PPP2R2B: variants seen among roughly 807,000 people sequenced by gnomAD.
PPP2R2B encodes the protein serine/threonine-protein phosphatase 2A 55 kDa regulatory subunit B beta isoform.
A neutral mutation model predicts 46.0 loss-of-function variants in PPP2R2B; 5 were observed. The observed-to-expected ratio is 0.11, with a 90% CI of 0.06 to 0.23. The LOEUF (loss-of-function observed/expected upper bound fraction) is 0.23. Among genes scored for constraint, PPP2R2B ranks in the 10% least tolerant of loss-of-function variants. The pLI is 1.00. For synonymous variants in PPP2R2B, 215 were observed against 206.7 expected (o/e 1.04, Z -0.34); for missense variants, 367 against 575.0 (o/e 0.64, Z 3.70).
chr5:146,891,332 GCAAT>G (rs1762485455), intron 1 of PPP2R2B, among the ~76,000 whole-genome samples: 1 of 152,210 alleles, frequency 6.6e-6, no homozygotes, highest in Non-Finnish European at 1.5e-5. Context: ...AATGCCTAAA[GCAAT>G]GCATGGCACA....
chr5:146,657,576 C>T (rs1356369490), intron 5 of PPP2R2B, among the ~76,000 whole-genome samples: 2 of 152,066 alleles, frequency 1.3e-5, no homozygotes, highest in African/African-American at 4.8e-5. Flanking sequence ...CAGGAGTACC[C>T]ACAGGGTAGG....
intron 1 of PPP2R2B, among the ~76,000 whole-genome samples, chr5:147,006,226 C>T (rs1384994297): frequency 6.6e-6 from 1 of 152,148 alleles, no homozygotes; most frequent in Non-Finnish European, 1.5e-5. Context: ...GGAAAATTGC[C>T]TAATAATTGG....
At chr5:146,990,825 A>G (rs1323942832) in intron 1 of PPP2R2B, among the ~76,000 whole-genome samples, 1 of 152,122 alleles carries the variant, frequency 6.6e-6, no homozygotes, top group Non-Finnish European at 1.5e-5. Flanking sequence ...ATGGATTATT[A>G]TTCAGAATAT....
At chr5:146,749,049 A>G (rs1753372195) in intron 2 of PPP2R2B, among the ~76,000 whole-genome samples, 1 of 152,346 alleles carries the variant, frequency 6.6e-6, no homozygotes. Flanking sequence ...TATATGAATG[A>G]TGGACTTTCT....
intron 1 of PPP2R2B, among the ~76,000 whole-genome samples, chr5:146,896,975 A>T (rs1374617779): frequency 6.6e-6 from 1 of 152,198 alleles, no homozygotes; most frequent in Non-Finnish European, 1.5e-5. Context: ...TAGAACAAGC[A>T]GAAAAAGAAA....
intron 2 of PPP2R2B, among the ~76,000 whole-genome samples, chr5:146,846,915 G>A (rs961128642): frequency 6.6e-6 from 1 of 152,126 alleles, no homozygotes; most frequent in African/African-American, 2.4e-5. Context: ...CAAAGCCACT[G>A]CCTTAAATTC....
rs529441920 is a variant in PPP2R2B, at chr5:146,708,118, G to C, written c.71-6976C>G. 2.0e-5 allele frequency among the ~76,000 whole-genome samples: 3 copies of C among 152,248 alleles called. No individual in the cohort carries two copies. In the South Asian group the frequency reaches 6.2e-4, roughly 32 times the overall value. The stretch of plus-strand genomic sequence containing the variant: ...CGCCTATAATCTCAGCACTTTGGGA[G>C]GCTGAGGCAGGTGGATCCCTTGAGC... On this transcript the variant is annotated intron_variant, in intron 2 of 9. Transcript: ENST00000394411.
chr5:146,812,817 A>ATATATATATG (rs1757699419), intron 2 of PPP2R2B, among the ~76,000 whole-genome samples: 1 of 75,086 alleles, frequency 1.3e-5, no homozygotes, highest in Non-Finnish European at 2.8e-5. Flanking sequence ...ATATATATAT[A>ATATATATATG]TATATATATA....
At chr5:146,733,295 C>T (rs1276791713) in intron 2 of PPP2R2B, among the ~76,000 whole-genome samples, 1 of 152,186 alleles carries the variant, frequency 6.6e-6, no homozygotes, top group Non-Finnish European at 1.5e-5. Context: ...CAGTATGGGA[C>T]TGCTAAATGT....
At chr5:146,941,078 T>C (rs1486514358) in intron 1 of PPP2R2B, among the ~76,000 whole-genome samples, 1 of 152,132 alleles carries the variant, frequency 6.6e-6, no homozygotes, top group Non-Finnish European at 1.5e-5. Context: ...ACTTGTCTTC[T>C]TTGTTCTCAA....
chr5:147,006,239 T>A (rs146791074), intron 1 of PPP2R2B, among the ~76,000 whole-genome samples: 3,417 of 152,264 alleles, frequency 0.022, 151 homozygotes, highest in African/African-American at 0.077. Context: ...ATAATTGGTC[T>A]GCTCAAACGT....
At chr5:146,688,157 A>G (rs573361846) in intron 5 of PPP2R2B, among the ~76,000 whole-genome samples, 45 of 152,260 alleles carry the variant, frequency 3.0e-4, no homozygotes, top group African/African-American at 7.7e-4. Context: ...TTACACTGAA[A>G]TGCAGGATAT....
chr5:146,667,326 G>GTGCACACACACACA (rs1491550987), intron 5 of PPP2R2B, among the ~76,000 whole-genome samples: 3 of 50,648 alleles, frequency 5.9e-5, no homozygotes, highest in Non-Finnish European at 1.1e-4. Flanking sequence ...GAATAGGCGT[G>GTGCACACACACACA]CGCGCGCACA....
intron 1 of PPP2R2B, among the ~76,000 whole-genome samples, chr5:146,995,738 C>T (rs181281524): frequency 6.6e-6 from 1 of 152,050 alleles, no homozygotes; most frequent in African/African-American, 2.4e-5. Context: ...AAAACATTCC[C>T]AAGAAGATAT....
chr5:146,761,893 T>G (rs1228508673), intron 2 of PPP2R2B, among the ~76,000 whole-genome samples: 1 of 152,134 alleles, frequency 6.6e-6, no homozygotes, highest in Non-Finnish European at 1.5e-5. Flanking sequence ...CTCACTAATC[T>G]AGGATGTTTG....
rs369020922 is a variant in PPP2R2B, at chr5:146,839,977, A to G, written c.70+38025T>C. ...GGAAGTCAAGTGTATCTTTAGCATC[A>G]CCTCTGGGCAAATAGTACAAACAGA... On this transcript the variant is annotated intron_variant, in intron 2 of 9. Transcript: ENST00000394411. 1.8e-4 allele frequency among the ~76,000 whole-genome samples: 27 copies of G among 152,346 alleles called. 1 individual carries two copies. In the East Asian group the frequency reaches 4.8e-3, roughly 27 times the overall value.
At chr5:146,879,779 A>G (rs1469753269), upstream of PPP2R2B, among the ~76,000 whole-genome samples, 1 of 152,206 alleles carries the variant, frequency 6.6e-6, no homozygotes, top group Admixed American at 6.5e-5. Context: ...TAGAAAGCCA[A>G]TTTGGAAAAG....
At chr5:146,715,116 A>G (rs1250482543) in intron 2 of PPP2R2B, among the ~76,000 whole-genome samples, 2 of 152,150 alleles carry the variant, frequency 1.3e-5, no homozygotes, top group Non-Finnish European at 2.9e-5. Context: ...CAGAGTGGGG[A>G]AAAAAACCCT....
At chr5:146,672,097 C>T (rs756243761) in intron 5 of PPP2R2B, among the ~76,000 whole-genome samples, 5 of 151,978 alleles carry the variant, frequency 3.3e-5, no homozygotes, top group Admixed American at 1.3e-4. Flanking sequence ...ATTTATTGAT[C>T]GACAAGTAAG....
Sources: allele counts gnomAD v4.1 joint callset (sites outside exome capture counted in the v4.1 genomes callset), GRCh38; gene constraint gnomAD v4.1.1; transcripts MANE v1.5; gene names NCBI Gene and HGNC (gene_info 2026-07-23, HGNC 2026-07-21).